ATRNL1: variants seen among roughly 807,000 people sequenced by gnomAD.
ATRNL1 encodes the protein attractin like 1, also known as attractin-like protein 1.
Under a neutral mutation model 182.7 loss-of-function variants are expected in ATRNL1, and 95 were observed. The observed-to-expected ratio is 0.52, with a 90% CI of 0.44 to 0.62. ATRNL1 has a LOEUF of 0.62. ATRNL1 is among the 20% of genes least tolerant of loss of function. The probability of loss-of-function intolerance (pLI) is 0.00; values close to 1 mark genes in which losing one functional copy is unlikely to be tolerated. For missense variants in ATRNL1, 1,471 were observed against 1,679.5 expected (o/e 0.88, Z 2.17); for synonymous variants, 576 against 568.3 (o/e 1.01, Z -0.19).
At chr10:115,799,819 T>C (rs1949748828) in intron 27 of ATRNL1, among the ~76,000 whole-genome samples, 1 of 152,226 alleles carries the variant, frequency 6.6e-6, no homozygotes, top group African/African-American at 2.4e-5. Flanking sequence ...TGTATCATTT[T>C]CTAAAAATCT....
chr10:115,221,193 A>G (rs1271850252), intron 9 of ATRNL1, among the ~76,000 whole-genome samples: 3 of 152,234 alleles, frequency 2.0e-5, no homozygotes, highest in Admixed American at 2.0e-4. Context: ...GTAAAGACAG[A>G]TGAAGCTGTG....
At chr10:115,263,920 T>A (rs1851496353) in intron 10 of ATRNL1, among the ~76,000 whole-genome samples, 1 of 151,768 alleles carries the variant, frequency 6.6e-6, no homozygotes, top group African/African-American at 2.4e-5. Context: ...TTTCTGTACC[T>A]TTACACTCTC....
intron 26 of ATRNL1, among the ~76,000 whole-genome samples, chr10:115,711,677 CTGAGA>C (rs1555054576): frequency 6.6e-6 from 1 of 152,084 alleles, no homozygotes; most frequent in Admixed American, 6.6e-5. Flanking sequence ...TGATTCTACA[CTGAGA>C]AGATTCTGAA....
chr10:115,468,090 T>A (rs1186565456), intron 23 of ATRNL1, among the ~76,000 whole-genome samples: 10 of 150,696 alleles, frequency 6.6e-5, no homozygotes, highest in African/African-American at 2.4e-4. Flanking sequence ...AATTTATATA[T>A]TACATTCAAA....
chr10:115,530,360 T>G (rs1226711125), intron 25 of ATRNL1, among the ~76,000 whole-genome samples: 1 of 152,184 alleles, frequency 6.6e-6, no homozygotes, highest in African/African-American at 2.4e-5. Flanking sequence ...AGACATTTAT[T>G]TTTTCCACAT....
Position 115,648,492 on chromosome 10 carries a change from G to C in ATRNL1, c.3796-78756G>C, listed in dbSNP as rs11593808. On this transcript the variant is annotated intron_variant, in intron 26 of 28. Coordinates refer to ENST00000355044, the MANE Select transcript of ATRNL1 (RefSeq NM_207303.4). Reference sequence around the variant, plus strand: ...ATGAAACCAAAAAAGAGCCCACATTGCCAAGACAATCCTAAGCCAAAAGAA... The same window carrying C: ...ATGAAACCAAAAAAGAGCCCACATTCCCAAGACAATCCTAAGCCAAAAGAA... Among the ~76,000 whole-genome samples the C allele has an allele frequency of 7.3e-3, 1,115 of 152,238 alleles. 8 individuals are homozygous for C. The highest frequency in any genetic ancestry group is 0.011 in the Non-Finnish European group (722 of 68,002).
At chr10:115,793,062 G>C (rs1222366239) in intron 27 of ATRNL1, among the ~76,000 whole-genome samples, 2 of 151,874 alleles carry the variant, frequency 1.3e-5, no homozygotes, top group Non-Finnish European at 2.9e-5. Context: ...TTAAAGAAGA[G>C]GCTTAAACAT....
At chr10:115,875,845 G>A (rs1381150443) in intron 28 of ATRNL1, among the ~76,000 whole-genome samples, 1 of 152,086 alleles carries the variant, frequency 6.6e-6, no homozygotes, top group Non-Finnish European at 1.5e-5. Context: ...GTGGCATGGA[G>A]GTAAAACAAG....
chr10:115,225,206 A>G (rs966690491), intron 9 of ATRNL1, among the ~76,000 whole-genome samples: 6 of 151,948 alleles, frequency 3.9e-5, no homozygotes, highest in African/African-American at 1.4e-4. Flanking sequence ...AAGAAAATAG[A>G]GAAGTAATGG....
At chr10:115,671,361 G>T (rs1423669446) in intron 26 of ATRNL1, among the ~76,000 whole-genome samples, 3 of 152,116 alleles carry the variant, frequency 2.0e-5, no homozygotes, top group African/African-American at 7.2e-5. Context: ...AAAAGAAAAA[G>T]TAATGGATAG....
intron 28 of ATRNL1, among the ~76,000 whole-genome samples, chr10:115,901,053 T>C (rs1382381531): frequency 2.0e-5 from 3 of 152,134 alleles, no homozygotes; most frequent in African/African-American, 4.8e-5. Flanking sequence ...TCCTTGCCAG[T>C]GTGAAATAGT....
chr10:115,309,893 T>C (rs953694132), intron 17 of ATRNL1, among the ~76,000 whole-genome samples: 1 of 152,134 alleles, frequency 6.6e-6, no homozygotes, highest in Non-Finnish European at 1.5e-5. Flanking sequence ...CTATATTAAA[T>C]AGAAGTGACG....
chr10:115,526,877 A>C (rs782721633), intron 25 of ATRNL1, among the ~76,000 whole-genome samples: 1 of 152,122 alleles, frequency 6.6e-6, no homozygotes, highest in Non-Finnish European at 1.5e-5. Context: ...CTGAGAATGC[A>C]GGGCACTTCT....
At chr10:115,478,801 A>G (rs1848638848) in intron 24 of ATRNL1, among the ~76,000 whole-genome samples, 1 of 151,760 alleles carries the variant, frequency 6.6e-6, no homozygotes, top group African/African-American at 2.4e-5. Context: ...GACTGAAATA[A>G]TAGTATTATA....
intron 26 of ATRNL1, among the ~76,000 whole-genome samples, chr10:115,607,460 C>T (rs1856930331): frequency 6.6e-6 from 1 of 151,700 alleles, no homozygotes; most frequent in African/African-American, 2.4e-5. Flanking sequence ...TTTACATAAT[C>T]CTTTAAAGTT....
chr10:115,723,462 C>T (rs1406985261), intron 26 of ATRNL1, among the ~76,000 whole-genome samples: 3 of 152,138 alleles, frequency 2.0e-5, no homozygotes, highest in African/African-American at 7.2e-5. Flanking sequence ...GAAGAATTAT[C>T]TGTATTCATA....
intron 26 of ATRNL1, among the ~76,000 whole-genome samples, chr10:115,694,931 A>G (rs1386060551): frequency 1.9e-5 from 2 of 106,150 alleles, no homozygotes; most frequent in Admixed American, 1.3e-4. Context: ...ACACACACAC[A>G]TGCACACACG....
At chr10:115,833,773 G>A (rs991276818) in intron 27 of ATRNL1, among the ~76,000 whole-genome samples, 1 of 152,136 alleles carries the variant, frequency 6.6e-6, no homozygotes, top group African/African-American at 2.4e-5. Flanking sequence ...TAATGTACCA[G>A]AGCCCACATG....
chr10:115,165,569 A>AAAGCAGTAT lies in ATRNL1; in HGVS notation c.1018_1026dup (p.Ser340_Ile342dup). The AAAGCAGTAT allele has an allele frequency of 6.7e-7, 1 of 1,484,586 alleles. No homozygotes were observed. The highest frequency in any genetic ancestry group is 9.1e-7 in the Non-Finnish European group (1 of 1,103,378). 92.0% of individuals were successfully genotyped at this position (1,484,586 alleles called of 1,614,324 possible). A position where few individuals can be genotyped will look rare whatever the true frequency, so the allele number is the denominator to read the frequency against. ...TTTCTTGCTTTTAGTTACAATTTAG[A>AAAGCAGTAT]AAGCAGTATATGGAATGTAGGAACT... On this transcript the variant is annotated inframe_insertion, in exon 7 of 29. Transcript: ENST00000355044.
Sources: gnomAD v4.1 joint callset for allele counts (sites outside exome capture counted in the v4.1 genomes callset) on GRCh38, gnomAD v4.1.1 for gene constraint, MANE v1.5 for transcripts, NCBI Gene and HGNC (gene_info 2026-07-23, HGNC 2026-07-21) for gene names.